NAV2: variants seen among roughly 807,000 people sequenced by gnomAD.
NAV2 encodes the protein helicase, APC down-regulated 1.
In NAV2, 54 loss-of-function variants were observed where a neutral mutation model predicts 223.2. That is an observed-to-expected ratio of 0.24 (90% CI 0.19 to 0.30). NAV2 has a LOEUF of 0.30. NAV2 is among the 10% of genes least tolerant of loss of function. The pLI is 1.00. For synonymous variants in NAV2, 1,279 were observed against 1,239.3 expected (o/e 1.03, Z -0.67); for missense variants, 2,806 against 3,147.5 (o/e 0.89, Z 2.60).
At chr11:19,408,189 A>G (rs1175710521) in intron 1 of NAV2, among the ~76,000 whole-genome samples, 3 of 152,248 alleles carry the variant, frequency 2.0e-5, no homozygotes, top group African/African-American at 7.2e-5. Flanking sequence ...TCCTCTTTCT[A>G]ATGGTGGATT....
rs752293003 is a variant in NAV2, at chr11:19,546,210, T to TG, written c.75+195187dup. Among the ~76,000 whole-genome samples, 5 of 152,324 alleles carry TG rather than the reference T, an allele frequency of 3.3e-5. No homozygotes were observed. The East Asian group carries it at 7.7e-4, about 24-fold the overall frequency. On this transcript the variant is annotated intron_variant, in intron 1 of 37. Coordinates refer to the NAV2 transcript ENST00000360655. ...ATCTCCTCCCCATGAGGGCTTGATG[T>TG]GGGGTCTCGAGCAAGGCCTGATGGA...
intron 1 of NAV2, among the ~76,000 whole-genome samples, chr11:19,544,324 T>C (rs1225991821): frequency 6.6e-6 from 1 of 152,186 alleles, no homozygotes; most frequent in African/African-American, 2.4e-5. Context: ...ATCCGTGCTG[T>C]AAGACAGACA....
chr11:19,810,290 G>T (rs893637528), intron 1 of NAV2, among the ~76,000 whole-genome samples: 8 of 152,092 alleles, frequency 5.3e-5, no homozygotes, highest in African/African-American at 1.2e-4. Flanking sequence ...TTTGGAGTGG[G>T]GATATATGCC....
intron 1 of NAV2, among the ~76,000 whole-genome samples, chr11:19,653,274 A>C (rs2048022334): frequency 6.6e-6 from 1 of 152,196 alleles, no homozygotes; most frequent in Admixed American, 6.5e-5. Flanking sequence ...CTGAGTTCTT[A>C]AAGTATCTGC....
rs78485612 is a variant in NAV2, at chr11:19,959,963, C to T, written c.2645+10883C>T. On this transcript the variant is annotated intron_variant, in intron 10 of 37. Coordinates refer to ENST00000349880, the MANE Select transcript of NAV2 (RefSeq NM_145117.5). ...GGCAAGCAGCATCAACAAAACACAGCCAGCATTTGGGTGTTACTGAGACTG... is the reference window on the plus strand; with the variant it reads ...GGCAAGCAGCATCAACAAAACACAGTCAGCATTTGGGTGTTACTGAGACTG... Among the ~76,000 whole-genome samples the T allele has an allele frequency of 4.8e-3, 737 of 152,290 alleles. 7 individuals carry two copies. Among genetic ancestry groups the T allele is most frequent in the African/African-American group, 0.014 (596 of 41,556 alleles).
intron 1 of NAV2, among the ~76,000 whole-genome samples, chr11:19,830,272 A>C (rs2059860684): frequency 6.6e-6 from 1 of 152,174 alleles, no homozygotes; most frequent in Admixed American, 6.5e-5. Context: ...TTCACTGAGA[A>C]CATAATAGAG....
intron 1 of NAV2, among the ~76,000 whole-genome samples, chr11:19,537,490 C>T (rs1034871170): frequency 2.0e-5 from 3 of 152,196 alleles, no homozygotes; most frequent in Non-Finnish European, 4.4e-5. Flanking sequence ...TCTACCAAGA[C>T]CCCTTTCTTT....
intron 1 of NAV2, among the ~76,000 whole-genome samples, chr11:19,779,954 T>C (rs1032381420): frequency 1.3e-5 from 2 of 152,326 alleles, no homozygotes; most frequent in Middle Eastern, 3.4e-3. Context: ...GCCAGAGGTG[T>C]GTGCCCGAAC....
intron 1 of NAV2, among the ~76,000 whole-genome samples, chr11:19,362,121 A>G (rs943314885): frequency 6.6e-6 from 1 of 152,146 alleles, no homozygotes; most frequent in Non-Finnish European, 1.5e-5. Context: ...CTTTAACTTC[A>G]CTTGAACAGC....
At chr11:19,783,836 A>T (rs796099417) in intron 1 of NAV2, among the ~76,000 whole-genome samples, 10 of 152,322 alleles carry the variant, frequency 6.6e-5, no homozygotes, top group African/African-American at 2.4e-4. Context: ...TGCTCAATAA[A>T]TGTTAGCCAT....
intron 11 of NAV2, among the ~76,000 whole-genome samples, chr11:20,003,940 A>C (rs2052798994): frequency 6.6e-6 from 1 of 152,168 alleles, no homozygotes; most frequent in African/African-American, 2.4e-5. Flanking sequence ...AATACTATCT[A>C]TTTCTAGTTA....
chr11:19,350,780 T>C (rs1259715312), exon 1 of NAV2: 1 of 638,154 alleles, frequency 1.6e-6, no homozygotes, highest in East Asian at 2.8e-5. Flanking sequence ...CCGAGTGAGG[T>C]TCCCGAGTGG....
In NAV2 at chr11:20,119,707, C is replaced by T. The variant is rs1027199104; in HGVS notation, c.*1449C>T. Reference sequence around the variant, plus strand: ...GGTTTGTTTTTTTTGTCATTGTTTTCCCCATTGAAACAAACAGGGCTAAAA... The same window carrying T: ...GGTTTGTTTTTTTTGTCATTGTTTTTCCCATTGAAACAAACAGGGCTAAAA... On this transcript the variant is annotated 3_prime_UTR_variant, in exon 38 of 38. Transcript: ENST00000349880. 7 of 152,280 alleles carry T rather than the reference C, an allele frequency of 4.6e-5. No individual in the cohort carries two copies. Among genetic ancestry groups the T allele is most frequent in the Non-Finnish European group, 1.0e-4 (7 of 67,996 alleles). 9.4% of individuals were successfully genotyped at this position (152,280 alleles called of 1,614,324 possible). A position where few individuals can be genotyped will look rare whatever the true frequency, so the allele number is the denominator to read the frequency against.
At chr11:19,491,622 A>T (rs1564982049) in intron 1 of NAV2, among the ~76,000 whole-genome samples, 1 of 152,170 alleles carries the variant, frequency 6.6e-6, no homozygotes, top group Non-Finnish European at 1.5e-5. Flanking sequence ...GGATGATTTG[A>T]TCTTCTGTCC....
chr11:19,853,338 T>A (rs916615575), intron 3 of NAV2, among the ~76,000 whole-genome samples: 13 of 152,240 alleles, frequency 8.5e-5, no homozygotes, highest in Admixed American at 4.6e-4. Context: ...TAAAGTTGTT[T>A]CCAGTTTTAA....
chr11:19,358,962 C>A (rs922637965), intron 1 of NAV2, among the ~76,000 whole-genome samples: 4 of 152,194 alleles, frequency 2.6e-5, no homozygotes, highest in Non-Finnish European at 5.9e-5. Flanking sequence ...GAAAGTCTCT[C>A]TTTTTCACTA....
At chr11:20,082,665 T>C in intron 25 of NAV2, 1 of 1,443,996 alleles carries the variant, frequency 6.9e-7, no homozygotes, top group Non-Finnish European at 9.8e-7. Flanking sequence ...ACTAACCTCA[T>C]CCGCATCCAT....
intron 5 of NAV2, chr11:19,884,458 C>T: frequency 9.9e-7 from 1 of 1,011,774 alleles, no homozygotes; most frequent in Non-Finnish European, 1.5e-6. Flanking sequence ...TTGGTCCTCT[C>T]CTCGTTTCAT....
intron 1 of NAV2, among the ~76,000 whole-genome samples, chr11:19,422,849 G>T (rs1221720467): frequency 6.6e-6 from 1 of 152,108 alleles, no homozygotes; most frequent in Non-Finnish European, 1.5e-5. Flanking sequence ...ATTGATTCAA[G>T]AGGCATGTGG....
Sources: gnomAD v4.1 joint callset for allele counts (sites outside exome capture counted in the v4.1 genomes callset) on GRCh38, gnomAD v4.1.1 for gene constraint, MANE v1.5 for transcripts, NCBI Gene and HGNC (gene_info 2026-07-23, HGNC 2026-07-21) for gene names.